Variants in FYB2 observed in about 807,000 individuals in gnomAD.
FYB2 encodes FYN binding protein 2, also known as FYN-binding protein 2.
Under a neutral mutation model 94.1 loss-of-function variants are expected in FYB2, and 103 were observed. That is an observed-to-expected ratio of 1.09 (90% CI 0.93 to 1.29). The LOEUF (loss-of-function observed/expected upper bound fraction) is 1.29. Among genes scored for constraint, FYB2 ranks in the 50% most tolerant of loss-of-function variants. The probability of loss-of-function intolerance (pLI) is 0.00; values close to 1 mark genes in which losing one functional copy is unlikely to be tolerated. For synonymous variants in FYB2, 293 were observed against 287.9 expected (o/e 1.02, Z -0.18); for missense variants, 896 against 841.5 (o/e 1.06, Z -0.80).
upstream of FYB2, chr1:56,819,841 G>A (rs189550258): frequency 7.3e-4 from 117 of 160,528 alleles, no homozygotes; most frequent in African/African-American, 2.7e-3. Context: ...AAGCCCACAG[G>A]GGGATTTAGT....
At chr1:56,721,842 AG>A (rs1644491069) in intron 17 of FYB2, among the ~76,000 whole-genome samples, 1 of 152,120 alleles carries the variant, frequency 6.6e-6, no homozygotes, top group South Asian at 2.1e-4. Context: ...TTCCTATTAT[AG>A]AATTTAATAA....
At chr1:56,760,258 TTC>T (rs1645459781) in intron 5 of FYB2, among the ~76,000 whole-genome samples, 1 of 152,174 alleles carries the variant, frequency 6.6e-6, no homozygotes, top group African/African-American at 2.4e-5. Flanking sequence ...CCCTCTGTTT[TTC>T]TCTTTCTTGC....
intron 7 of FYB2, among the ~76,000 whole-genome samples, chr1:56,754,700 G>A (rs552622840): frequency 6.6e-6 from 1 of 152,096 alleles, no homozygotes; most frequent in South Asian, 2.1e-4. Context: ...TATTTATTTG[G>A]TCATTTTACC....
intron 1 of FYB2, among the ~76,000 whole-genome samples, chr1:56,802,337 C>T (rs1476336658): frequency 1.3e-5 from 2 of 152,198 alleles, no homozygotes; most frequent in Non-Finnish European, 2.9e-5. Flanking sequence ...ATTCGAAACA[C>T]TTCATCCCCA....
chr1:56,767,862 T>C lies in FYB2; in HGVS notation c.1030A>G (p.Ile344Val), dbSNP rs1046524799. Residue 344 changes from isoleucine (I) to valine (V), a missense_variant, in exon 5 of 20, where the codon ATT becomes GTT. Ile to Val is a conservative substitution (Grantham distance 29). Coordinates refer to ENST00000343433, the MANE Select transcript of FYB2 (RefSeq NM_001004303.5). ...ISYLRHSGNS[I>V]NLCTAKEIAD... Reference sequence around the variant, plus strand: ...ATTTCTTTTGCAGTGCACAGGTTAATGGAGTTGCCAGAGTGTCTCAGATAT... The same window carrying C: ...ATTTCTTTTGCAGTGCACAGGTTAACGGAGTTGCCAGAGTGTCTCAGATAT... The C allele has an allele frequency of 6.2e-7, 1 of 1,612,226 alleles. No individual in the cohort carries two copies. Among genetic ancestry groups the C allele is most frequent in the Non-Finnish European group, 8.5e-7 (1 of 1,178,926 alleles).
intron 1 of FYB2, among the ~76,000 whole-genome samples, chr1:56,811,711 A>G (rs1016376234): frequency 1.3e-5 from 2 of 152,212 alleles, no homozygotes; most frequent in Admixed American, 1.3e-4. Flanking sequence ...ATCCAATGCT[A>G]TTTCGTCCAA....
intron 1 of FYB2, among the ~76,000 whole-genome samples, chr1:56,812,714 G>C (rs1222692499): frequency 6.6e-6 from 1 of 152,118 alleles, no homozygotes; most frequent in Non-Finnish European, 1.5e-5. Context: ...GATCATTTCT[G>C]TCCGTTTTCC....
rs374590498 is a variant in FYB2 at position 56,814,218 on chromosome 1, C to T, written c.9+5064G>A. On this transcript the variant is annotated intron_variant, in intron 1 of 19. Coordinates refer to ENST00000343433, the MANE Select transcript of FYB2 (RefSeq NM_001004303.5). ...GGGATGTGGTGCGGGTGAGGAGGCT[C>T]GAGTTAGAGTATACAGGGCAGGCAC... Among the ~76,000 whole-genome samples, 3 of 152,098 alleles carry T rather than the reference C, an allele frequency of 2.0e-5. 1 individual carries two copies. Among genetic ancestry groups the T allele is most frequent in the African/African-American group, 4.8e-5 (2 of 41,412 alleles).
intron 5 of FYB2, among the ~76,000 whole-genome samples, chr1:56,766,107 G>T (rs1261628041): frequency 6.6e-6 from 1 of 152,150 alleles, no homozygotes; most frequent in Non-Finnish European, 1.5e-5. Context: ...TCAAAGTGTG[G>T]TCTGTAGACC....
chr1:56,732,229 T>C (rs1314003062), intron 15 of FYB2, among the ~76,000 whole-genome samples: 1 of 152,082 alleles, frequency 6.6e-6, no homozygotes, highest in Non-Finnish European at 1.5e-5. Context: ...ATCTGGTTTA[T>C]AATAGCTGCA....
intron 5 of FYB2, among the ~76,000 whole-genome samples, chr1:56,764,765 T>C (rs1326550365): frequency 1.3e-5 from 2 of 152,196 alleles, no homozygotes; most frequent in East Asian, 1.9e-4. Context: ...CAAAATACCA[T>C]AAATTGCATG....
At chr1:56,776,702 C>T (rs970295532) in intron 4 of FYB2, among the ~76,000 whole-genome samples, 6 of 152,142 alleles carry the variant, frequency 3.9e-5, no homozygotes, top group African/African-American at 1.4e-4. Flanking sequence ...AGGTCACCCT[C>T]TGAACTAGTG....
chr1:56,730,118 G>T (rs548745352), intron 15 of FYB2, among the ~76,000 whole-genome samples: 1 of 151,076 alleles, frequency 6.6e-6, no homozygotes, highest in East Asian at 2.0e-4. Flanking sequence ...TTGTCTCAAA[G>T]AATTAGAAAA....
At chr1:56,819,727 G>A (rs1349490214), upstream of FYB2, 8 of 202,666 alleles carry the variant, frequency 3.9e-5, no homozygotes, top group South Asian at 2.4e-4. Context: ...TGTGATCCCC[G>A]TTAGTAACAA....
At chr1:56,795,235 T>C (rs2100994463) in intron 1 of FYB2, among the ~76,000 whole-genome samples, 1 of 152,274 alleles carries the variant, frequency 6.6e-6, no homozygotes, top group East Asian at 1.9e-4. Flanking sequence ...AGAGTATTTG[T>C]CTTTTTGTAA....
intron 4 of FYB2, among the ~76,000 whole-genome samples, chr1:56,786,128 T>G (rs971612787): frequency 6.6e-6 from 1 of 152,158 alleles, no homozygotes; most frequent in South Asian, 2.1e-4. Context: ...ATCAGCCAAC[T>G]GTTAAGCTTC....
intron 1 of FYB2, among the ~76,000 whole-genome samples, chr1:56,817,848 T>C (rs1646918468): frequency 6.6e-6 from 1 of 152,208 alleles, no homozygotes; most frequent in African/African-American, 2.4e-5. Context: ...TTCTTCCTGC[T>C]GTCCTATTGT....
At chr1:56,789,166 T>C (rs1214619108) in intron 2 of FYB2, 32 bp from the exon 3 acceptor site, 6 of 1,530,938 alleles carry the variant, frequency 3.9e-6, no homozygotes, top group African/African-American at 1.4e-5. Flanking sequence ...ATGTAAGTTA[T>C]GATTATTTTC....
At chr1:56,736,368 A>C (rs1644830280) in intron 15 of FYB2, among the ~76,000 whole-genome samples, 1 of 151,576 alleles carries the variant, frequency 6.6e-6, no homozygotes, top group Admixed American at 6.6e-5. Context: ...CAATTGATTA[A>C]GAGGGAAAGT....
Sources: allele counts gnomAD v4.1 joint callset (sites outside exome capture counted in the v4.1 genomes callset), GRCh38; gene constraint gnomAD v4.1.1; transcripts MANE v1.5; gene names NCBI Gene and HGNC (gene_info 2026-07-23, HGNC 2026-07-21).